ACOXL: variants seen among roughly 807,000 people sequenced by gnomAD.
ACOXL encodes acyl-CoA oxidase like.
A neutral mutation model predicts 71.9 loss-of-function variants in ACOXL; 70 were observed. The observed-to-expected ratio is 0.97, with a 90% CI of 0.80 to 1.19. ACOXL has a LOEUF of 1.19. Ranked by LOEUF, ACOXL falls within the 50% of genes most tolerant of loss-of-function variation. The pLI, the probability that ACOXL is intolerant of heterozygous loss-of-function variation, is 0.00. For synonymous variants in ACOXL, 253 were observed against 281.6 expected, an observed-to-expected ratio of 0.90 and a Z score of 1.02; for missense variants, 703 against 736.3, an observed-to-expected ratio of 0.95 and a Z score of 0.52.
intron 16 of ACOXL, among the ~76,000 whole-genome samples, chr2:111,066,134 TC>T (rs1413145924): frequency 6.6e-6 from 1 of 152,216 alleles, no homozygotes; most frequent in African/African-American, 2.4e-5. Context: ...AACCCAATTT[TC>T]CTTTAATGGG....
chr2:110,752,453 AAAAT>A (rs1679115363), intron 1 of ACOXL, among the ~76,000 whole-genome samples: 1 of 151,968 alleles, frequency 6.6e-6, no homozygotes, highest in Non-Finnish European at 1.5e-5. Flanking sequence ...ACCCTGTCTC[AAAAT>A]AAATAAATAA....
At chr2:110,858,988 C>T (rs533425560) in intron 10 of ACOXL, among the ~76,000 whole-genome samples, 147 of 152,270 alleles carry the variant, frequency 9.7e-4, no homozygotes, top group African/African-American at 3.2e-3. Flanking sequence ...CAATAAAATT[C>T]GCCACTCATC....
chr2:111,056,838 AAGTCAGCAAAAGGGTC>A (rs1220773916), intron 16 of ACOXL, among the ~76,000 whole-genome samples: 1 of 151,784 alleles, frequency 6.6e-6, no homozygotes, highest in African/African-American at 2.4e-5. Flanking sequence ...GCTCCATAGT[AAGTCAGCAAAAGGGTC>A]ATTTTGGTGG....
intron 9 of ACOXL, among the ~76,000 whole-genome samples, chr2:110,807,495 G>A (rs1454652120): frequency 6.6e-6 from 1 of 152,198 alleles, no homozygotes; most frequent in Admixed American, 6.5e-5. Context: ...AAGTAACAAG[G>A]CAATGTGCAA....
chr2:111,065,884 A>T (rs1457410699), intron 16 of ACOXL, among the ~76,000 whole-genome samples: 1 of 152,238 alleles, frequency 6.6e-6, no homozygotes, highest in Non-Finnish European at 1.5e-5. Flanking sequence ...ACGTAATGCA[A>T]GTGAGGATGA....
intron 15 of ACOXL, among the ~76,000 whole-genome samples, chr2:111,045,963 A>G (rs929645897): frequency 1.3e-5 from 2 of 152,182 alleles, no homozygotes; most frequent in Non-Finnish European, 2.9e-5. Flanking sequence ...CATGCTGGAC[A>G]TCATGGGGAC....
At chr2:110,908,986 G>T in intron 11 of ACOXL, 81 bp downstream of exon 11, 2 of 1,041,684 alleles carry the variant, frequency 1.9e-6, no homozygotes, top group Non-Finnish European at 2.8e-6. Flanking sequence ...AGCAGGCACA[G>T]GATGTCATTT....
intron 12 of ACOXL, among the ~76,000 whole-genome samples, chr2:110,976,672 C>A (rs2062459328): frequency 6.6e-6 from 1 of 151,964 alleles, no homozygotes; most frequent in South Asian, 2.1e-4. Flanking sequence ...CGTGACAAGC[C>A]CAGAAAACAA....
intron 12 of ACOXL, among the ~76,000 whole-genome samples, chr2:110,977,906 C>T (rs1486169208): frequency 6.6e-6 from 1 of 152,112 alleles, no homozygotes; most frequent in Non-Finnish European, 1.5e-5. Flanking sequence ...ACCATATAAC[C>T]AGAGATTGCC....
At chr2:111,048,175 C>T (rs567150879) in intron 15 of ACOXL, among the ~76,000 whole-genome samples, 12 of 152,248 alleles carry the variant, frequency 7.9e-5, no homozygotes, top group African/African-American at 2.2e-4. Flanking sequence ...GTGGGATCTG[C>T]GGGAGTTGGG....
At chr2:111,114,027 G>A (rs868785591) in intron 17 of ACOXL, 5 of 152,608 alleles carry the variant, frequency 3.3e-5, no homozygotes, top group South Asian at 2.1e-4. Flanking sequence ...AAGTTTATTT[G>A]TTGTTTTGCT....
At chr2:110,968,234 A>G (rs13432362) in intron 12 of ACOXL, 432,905 of 1,065,488 alleles carry the variant, frequency 0.41, 91,401 homozygotes, top group Admixed American at 0.55. Context: ...AATGTGGAAA[A>G]CATTGATGGT....
intron 10 of ACOXL, among the ~76,000 whole-genome samples, chr2:110,848,596 C>T (rs764517397): frequency 2.6e-5 from 4 of 152,166 alleles, no homozygotes; most frequent in African/African-American, 7.2e-5. Flanking sequence ...AAATGCCCTT[C>T]GGGGTCCAGA....
chr2:110,928,839 G>A (rs760675905), intron 11 of ACOXL, among the ~76,000 whole-genome samples: 13 of 152,096 alleles, frequency 8.5e-5, no homozygotes, highest in African/African-American at 2.4e-4. Context: ...GAGATCTGAC[G>A]GTTTTATAAG....
At chr2:110,922,369 C>T (rs574408045) in intron 11 of ACOXL, among the ~76,000 whole-genome samples, 1 of 152,254 alleles carries the variant, frequency 6.6e-6, no homozygotes, top group East Asian at 1.9e-4. Context: ...TTTTCATATG[C>T]ATGCCAAAGG....
At chr2:110,960,921 C>T (rs755615133) in intron 12 of ACOXL, among the ~76,000 whole-genome samples, 38 of 152,146 alleles carry the variant, frequency 2.5e-4, no homozygotes, top group Non-Finnish European at 4.3e-4. Flanking sequence ...TTCTGTAAGC[C>T]GCATAGACGT....
chr2:111,003,573 A>AAAAAAAAAAAAAAAAAAAAAAAAC, intron 14 of ACOXL, among the ~76,000 whole-genome samples: 1 of 146,368 alleles, frequency 6.8e-6, no homozygotes, highest in African/African-American at 2.5e-5. Context: ...AAAAAAAAAA[A>AAAAAAAAAAAAAAAAAAAAAAAAC]AAAAAAGAAT....
At chr2:110,830,032 A>G (rs758486522) in intron 9 of ACOXL, among the ~76,000 whole-genome samples, 26 of 152,244 alleles carry the variant, frequency 1.7e-4, no homozygotes, top group Non-Finnish European at 2.5e-4. Flanking sequence ...GCTGGTAAAG[A>G]CAGCATCTTA....
At chr2:110,896,117 A>G (rs1466470241) in intron 10 of ACOXL, among the ~76,000 whole-genome samples, 1 of 152,136 alleles carries the variant, frequency 6.6e-6, no homozygotes, top group African/African-American at 2.4e-5. Flanking sequence ...ACGAGATATA[A>G]AAGAGTTAAG....
Sources: allele counts gnomAD v4.1 joint callset (sites outside exome capture counted in the v4.1 genomes callset), GRCh38; gene constraint gnomAD v4.1.1; transcripts MANE v1.5; gene names NCBI Gene and HGNC (gene_info 2026-07-23, HGNC 2026-07-21).